Variants in ADCY6 observed in about 807,000 individuals in gnomAD.
ADCY6 encodes adenylate cyclase type 6.
In ADCY6, 59 loss-of-function variants were observed where a neutral mutation model predicts 111.6. That is an observed-to-expected ratio of 0.53 (90% CI 0.43 to 0.66). ADCY6 has a LOEUF of 0.66. Among genes scored for constraint, ADCY6 ranks in the 30% least tolerant of loss-of-function variants. ADCY6 has a pLI of 0.00. For missense variants in ADCY6, 1,242 were observed against 1,595.6 expected (o/e 0.78, Z 3.78); for synonymous variants, 576 against 642.9 (o/e 0.90, Z 1.57).
intron 1 of ADCY6, among the ~76,000 whole-genome samples, chr12:48,786,008 G>C (rs1324807597): frequency 6.6e-6 from 1 of 152,112 alleles, no homozygotes; most frequent in Non-Finnish European, 1.5e-5. Context: ...AATAAGATGA[G>C]GCTGACAGCA....
rs1941567389 is a variant in ADCY6, at chr12:48,772,201, T to C, written c.2787+94A>G. On this transcript the variant is annotated intron_variant, in intron 18 of 21. Transcript: ENST00000357869. ...AACCAGGGTGGGCCTAGGTGTGGCC[T>C]GAGCCTTAGCCAGCTAGCACAAGAT... The C allele has an allele frequency of 2.0e-6, 3 of 1,514,132 alleles. No individual in the cohort carries two copies. In the South Asian group the frequency reaches 3.9e-5, roughly 20 times the overall value. The allele number at this position is 1,514,132 out of a possible 1,614,324, so 93.8% of individuals were successfully genotyped here.
At chr12:48,786,898 C>T (rs1243121313) in intron 1 of ADCY6, among the ~76,000 whole-genome samples, 1 of 152,216 alleles carries the variant, frequency 6.6e-6, no homozygotes, top group African/African-American at 2.4e-5. Context: ...GTACCTTCAT[C>T]TGCAAAATGG....
In ADCY6 at chr12:48,771,986, C is replaced by A; in HGVS notation, c.2788-13G>T. 6.3e-7 allele frequency: 1 copy of A among 1,596,194 alleles called. No homozygotes were observed. ...TCTCCCCTGTTGCCTGTGGACACCA[C>A]ACCCATCACCCATTGCCCGACATTC... On this transcript the variant is annotated splice_polypyrimidine_tract_variant and intron_variant, in intron 18 of 21. Transcript: ENST00000357869. The surrounding 1 kb of genome is among the most constrained non-coding windows in gnomAD (Gnocchi z 4.3).
In ADCY6 at chr12:48,782,944, G is replaced by A. The variant is rs374571582; in HGVS notation, c.491C>T (p.Ala164Val). 27 of 1,613,282 alleles carry A rather than the reference G, an allele frequency of 1.7e-5. No homozygotes were observed. Among genetic ancestry groups the A allele is most frequent in the South Asian group, 3.3e-5 (3 of 91,068 alleles). Residue 164 changes from alanine to valine, a missense_variant, in exon 2 of 22, where the codon GCG becomes GTG. Transcript: ENST00000357869. This position sits in a 1 kb window ranked among gnomAD's most constrained non-coding sequence, Gnocchi z 4.3. ...LLMAVLVLLTAVLLAFHAAPA... is the reference protein window; with the variant it reads ...LLMAVLVLLTVVLLAFHAAPA... Reference sequence around the variant, plus strand: ...TGCGGCGTGGAAAGCCAGCAGCACCGCTGTGAGCAGCACCAGCACCGCCAT... The same window carrying A: ...TGCGGCGTGGAAAGCCAGCAGCACCACTGTGAGCAGCACCAGCACCGCCAT...
chr12:48,786,478 C>T (rs965670361), intron 1 of ADCY6, among the ~76,000 whole-genome samples: 12 of 152,158 alleles, frequency 7.9e-5, no homozygotes, highest in African/African-American at 2.6e-4. Context: ...GCAATTCTGC[C>T]TCGGCTTCCC....
At chr12:48,775,244 T>C in intron 11 of ADCY6, 59 bp downstream of exon 11, 1 of 1,606,960 alleles carries the variant, frequency 6.2e-7, no homozygotes, top group Non-Finnish European at 8.5e-7. Context: ...TGCTCAGCCT[T>C]CCCTGCTGCG....
Position 48,776,211 on chromosome 12 carries a change from G to A in ADCY6, c.1675C>T (p.Arg559Trp), listed in dbSNP as rs773498516. The A allele has an allele frequency of 1.1e-5, 18 of 1,613,964 alleles. No individual in the cohort carries two copies. The highest frequency in any genetic ancestry group is 1.6e-4 in the Middle Eastern group (1 of 6,084). ...TFLILGASQKRKEEKAMLAKL... is the reference protein window; with the variant it reads ...TFLILGASQKWKEEKAMLAKL... Reference sequence around the variant, plus strand: ...CCCAGCCCTGCCCTGGCCCTGACCCGTTTCTGGCTGGCGCCCAGGATGAGG... The same window carrying A: ...CCCAGCCCTGCCCTGGCCCTGACCCATTTCTGGCTGGCGCCCAGGATGAGG... The change falls in exon 8 of 22, where the codon CGG (arginine) becomes TGG (tryptophan). Residue 559 changes from arginine to tryptophan, a missense_variant and splice_region_variant. Transcript: ENST00000357869. The surrounding 1 kb of genome is among the most constrained non-coding windows in gnomAD (Gnocchi z 6.1).
At chr12:48,787,942 C>T (rs1011152870) in intron 1 of ADCY6, among the ~76,000 whole-genome samples, 1 of 152,174 alleles carries the variant, frequency 6.6e-6, no homozygotes, top group Non-Finnish European at 1.5e-5. Flanking sequence ...GCCAAGCCTT[C>T]CTGGCCACCT....
At position 48,777,839 on chromosome 12, in the gene ADCY6, G is replaced by C. The variant is rs948509315; in HGVS notation, c.1015-103C>G. On this transcript the variant is annotated intron_variant, in intron 3 of 21. Transcript: ENST00000357869. The surrounding 1 kb of genome is among the most constrained non-coding windows in gnomAD (Gnocchi z 4.9). Reference sequence around the variant, plus strand: ...CAGAGCCCTCCTAGACTTCTCTGAAGACCTGACCTTCCCTTCTGGACTGTG... The same window carrying C: ...CAGAGCCCTCCTAGACTTCTCTGAACACCTGACCTTCCCTTCTGGACTGTG... 6.4e-5 allele frequency: 97 copies of C among 1,523,620 alleles called. No individual in the cohort carries two copies. Among genetic ancestry groups the C allele is most frequent in the Non-Finnish European group, 8.1e-5 (91 of 1,129,810 alleles). The allele number at this position is 1,523,620 out of a possible 1,614,324, so 94.4% of individuals were successfully genotyped here.
chr12:48,786,312 A>T (rs10875875), intron 1 of ADCY6, among the ~76,000 whole-genome samples: 35,470 of 151,936 alleles, frequency 0.23, 4,676 homozygotes, highest in African/African-American at 0.36. Context: ...CTCAGCCAAG[A>T]TCTGTCAGCA....
rs1212371539 is a variant in ADCY6 at position 48,769,034 on chromosome 12, C to A, written c.3284G>T (p.Gly1095Val). The A allele has an allele frequency of 1.2e-6, 2 of 1,613,170 alleles. No homozygotes were observed. The highest frequency in any genetic ancestry group is 3.3e-5 in the Admixed American group (2 of 59,962). Residue 1095 changes from glycine to valine, a missense_variant, in exon 21 of 22, where the codon GGT becomes GTT. Around this residue, in one of 4 missense-constraint regions of ADCY6, gnomAD observed 245 missense variants for 371.3 expected, o/e 0.66. Coordinates refer to ENST00000357869, the MANE Select transcript of ADCY6 (RefSeq NM_015270.5). The part of the protein sequence containing the change: ...IGLNMGPVVA[G>V]VIGARKPQYD... ...CTGTGGCTTCCGAGCCCCGATGACACCTGCCACGACTGGGCCCATGTTCAG... is the reference window on the plus strand; with the variant it reads ...CTGTGGCTTCCGAGCCCCGATGACAACTGCCACGACTGGGCCCATGTTCAG...
chr12:48,778,404 G>T, intron 2 of ADCY6, 147 bp from the exon 3 acceptor site: 1 of 882,400 alleles, frequency 1.1e-6, no homozygotes, highest in Non-Finnish European at 1.8e-6. Context: ...TGCCACCCCT[G>T]CAATATATCT....
rs1176643598 is a variant in ADCY6, at chr12:48,770,888, G to A, written c.3134C>T (p.Ala1045Val). ...STYMAASGLNASTYDQVGRSH... is the reference protein window; with the variant it reads ...STYMAASGLNVSTYDQVGRSH... ...GCGGCCCACCTGATCGTAGGTGCTG[G>A]CGTTCAGCCCTGAGGCAGCCATGTA... Residue 1045 changes from alanine (A) to valine (V), a missense_variant, in exon 20 of 22, where the codon GCC becomes GTC. By Grantham distance (64) the Ala-to-Val change is moderately conservative (BLOSUM62 0). This residue lies in a region of ADCY6 where 245 missense variants were observed against 371.3 expected (regional missense o/e 0.66). Transcript: ENST00000357869. The A allele has an allele frequency of 2.5e-6, 4 of 1,614,110 alleles. No individual in the cohort carries two copies. Among genetic ancestry groups the A allele is most frequent in the Non-Finnish European group, 3.4e-6 (4 of 1,180,044 alleles).
chr12:48,781,431 G>A (rs914914486), intron 2 of ADCY6, among the ~76,000 whole-genome samples: 19 of 152,198 alleles, frequency 1.2e-4, no homozygotes, highest in Admixed American at 3.3e-4. Context: ...TGCTGATGGC[G>A]GGGCTGTGCC....
Position 48,782,735 on chromosome 12 carries a change from T to C in ADCY6, c.700A>G (p.Ser234Gly). ...VGGALAADPRSPSAGLWCPVF... is the reference protein window; with the variant it reads ...VGGALAADPRGPSAGLWCPVF... ...GGGCACCAGAGGCCCGCAGAGGGGC[T>C]GCGCGGGTCTGCTGCGAGAGCGCCC... Residue 234 changes from serine (S) to glycine (G), a missense_variant, in exon 2 of 22, where the codon AGC becomes GGC. By Grantham distance (56) the Ser-to-Gly change is moderately conservative. This residue lies in a region of ADCY6 where 362 missense variants were observed against 377.2 expected (regional missense o/e 0.96). Coordinates refer to ENST00000357869, the MANE Select transcript of ADCY6 (RefSeq NM_015270.5). The surrounding 1 kb of genome is among the most constrained non-coding windows in gnomAD (Gnocchi z 4.3). 6.2e-7 allele frequency: 1 copy of C among 1,601,320 alleles called. No individual in the cohort carries two copies. Among genetic ancestry groups the C allele is most frequent in the Non-Finnish European group, 8.5e-7 (1 of 1,173,860 alleles).
chr12:48,768,855 CCT>C (rs1275570680), intron 21 of ADCY6, 80 bp downstream of exon 21: 23 of 1,553,278 alleles, frequency 1.5e-5, no homozygotes, highest in Non-Finnish European at 2.0e-5. Flanking sequence ...CCACCCTACC[CCT>C]GTCCTAGCAG....
rs881738 is a variant in ADCY6 at position 48,771,159 on chromosome 12, C to T, written c.3052-189G>A. On this transcript the variant is annotated intron_variant, in intron 19 of 21. Coordinates refer to ENST00000357869, the MANE Select transcript of ADCY6 (RefSeq NM_015270.5). This position sits in a 1 kb window ranked among gnomAD's most constrained non-coding sequence, Gnocchi z 4.3. The stretch of plus-strand genomic sequence containing the variant: ...AGGCAGCCTAGGACTCCAGGCAGGA[C>T]TTGGGCATACAGCTTCAGAAGGTCC... The T allele has an allele frequency of 1.6e-6, 1 of 610,694 alleles. No homozygotes were observed. Among genetic ancestry groups the T allele is most frequent in the Non-Finnish European group, 2.9e-6 (1 of 348,724 alleles). The allele number at this position is 610,694 out of a possible 1,614,324, so 37.8% of individuals were successfully genotyped here.
chr12:48,775,395 G>A lies in ADCY6; in HGVS notation c.1888C>T (p.Arg630Cys), dbSNP rs777388562. The change falls in exon 11 of 22, where the codon CGT (arginine) becomes TGT (cysteine). Residue 630 changes from arginine (R) to cysteine (C), a missense_variant. Transcript: ENST00000357869. Reference sequence around the variant, plus strand: ...TCAATGCTGCGGGCATCGATGGCACGGCTCAGGAACTCATCCACCTCATCC... The same window carrying A: ...TCAATGCTGCGGGCATCGATGGCACAGCTCAGGAACTCATCCACCTCATCC... The part of the protein sequence containing the change: ...PEDEVDEFLS[R>C]AIDARSIDQL... 3.1e-6 allele frequency: 5 copies of A among 1,614,024 alleles called. No individual in the cohort carries two copies. The highest frequency in any genetic ancestry group is 1.7e-5 in the Admixed American group (1 of 59,992).
intron 2 of ADCY6, 29 bp from the exon 3 acceptor site, chr12:48,778,286 A>G (rs1328014523): frequency 7.4e-6 from 12 of 1,613,666 alleles, no homozygotes; most frequent in Admixed American, 3.3e-5. Flanking sequence ...GCAGACAGTG[A>G]CCATCTCCTC....
Sources: allele counts gnomAD v4.1 joint callset (sites outside exome capture counted in the v4.1 genomes callset), GRCh38; gene constraint gnomAD v4.1.1; regional missense constraint gnomAD v4.1.1; non-coding constraint Gnocchi (gnomAD v3.1); transcripts MANE v1.5; gene names NCBI Gene and HGNC (gene_info 2026-07-23, HGNC 2026-07-21).